Variants in GABRA5 observed in about 807,000 individuals in gnomAD.
GABRA5 encodes the protein gamma-aminobutyric acid receptor subunit alpha-5.
A neutral mutation model predicts 47.3 loss-of-function variants in GABRA5; 18 were observed. That is an observed-to-expected ratio of 0.38 (90% CI 0.26 to 0.56). The LOEUF is 0.56. Among genes scored for constraint, GABRA5 ranks in the 20% least tolerant of loss-of-function variants. GABRA5 has a pLI of 0.71. For missense variants in GABRA5, 365 were observed against 599.3 expected (o/e 0.61, Z 4.08); for synonymous variants, 237 against 229.3 (o/e 1.03, Z -0.30).
intron 3 of GABRA5, among the ~76,000 whole-genome samples, chr15:26,875,956 C>T (rs1350622505): frequency 3.3e-5 from 5 of 151,958 alleles, no homozygotes; most frequent in South Asian, 2.1e-4. Flanking sequence ...GGGGTTAACC[C>T]GAGATGCAGT....
intron 3 of GABRA5, among the ~76,000 whole-genome samples, chr15:26,871,123 G>A (rs1020188545): frequency 1.3e-5 from 2 of 152,230 alleles, no homozygotes; most frequent in African/African-American, 2.4e-5. Flanking sequence ...GAACCCGGGA[G>A]GTGGAGGTTG....
At chr15:26,928,588 C>G (rs1038718380) in intron 7 of GABRA5, among the ~76,000 whole-genome samples, 2 of 151,996 alleles carry the variant, frequency 1.3e-5, no homozygotes, top group Admixed American at 6.6e-5. Flanking sequence ...GATTAGTGCT[C>G]CTATAAAAGA....
chr15:26,927,058 T>C (rs1893977413), intron 7 of GABRA5, among the ~76,000 whole-genome samples: 1 of 152,088 alleles, frequency 6.6e-6, no homozygotes, highest in Non-Finnish European at 1.5e-5. Flanking sequence ...TTGAACTCAG[T>C]AGGAATTTTG....
At chr15:26,909,824 G>T (rs1032047770) in intron 6 of GABRA5, among the ~76,000 whole-genome samples, 13 of 152,214 alleles carry the variant, frequency 8.5e-5, no homozygotes, top group African/African-American at 2.9e-4. Flanking sequence ...CATACTCACA[G>T]GTTTGGGGTT....
intron 3 of GABRA5, among the ~76,000 whole-genome samples, chr15:26,870,962 G>C (rs28450497): frequency 1.3e-5 from 2 of 151,904 alleles, no homozygotes; most frequent in South Asian, 2.1e-4. Flanking sequence ...GAGGCCAAGC[G>C]GGGGGCGGAT....
intron 7 of GABRA5, among the ~76,000 whole-genome samples, chr15:26,929,819 T>G (rs929757786): frequency 7.2e-5 from 11 of 152,316 alleles, no homozygotes; most frequent in African/African-American, 2.4e-4. Context: ...TCCCATTGTC[T>G]TGCACAGCAG....
At chr15:26,934,012 G>A (rs1187124385) in intron 7 of GABRA5, among the ~76,000 whole-genome samples, 1 of 152,080 alleles carries the variant, frequency 6.6e-6, no homozygotes, top group African/African-American at 2.4e-5. Flanking sequence ...CAAAGAGAGG[G>A]GAGGCTGAGG....
intron 7 of GABRA5, among the ~76,000 whole-genome samples, chr15:26,931,598 G>A (rs113064273): frequency 0.022 from 3,364 of 152,316 alleles, 74 homozygotes; most frequent in Non-Finnish European, 0.034. Flanking sequence ...GAACACAGAA[G>A]CATGAACCAT....
chr15:26,877,257 G>T (rs1394012376), intron 3 of GABRA5, among the ~76,000 whole-genome samples: 1 of 152,190 alleles, frequency 6.6e-6, no homozygotes, highest in Non-Finnish European at 1.5e-5. Context: ...TCACTGTCCA[G>T]CCAGTGTCCA....
chr15:26,867,094 AT>A lies in GABRA5; in HGVS notation c.-156del, dbSNP rs1261217588. 6.6e-6 allele frequency: 1 copy of A among 152,092 alleles called. No homozygotes were observed. Among genetic ancestry groups the A allele is most frequent in the Non-Finnish European group, 1.5e-5 (1 of 67,846 alleles). 9.4% of individuals were successfully genotyped at this position (152,092 alleles called of 1,614,324 possible). The stretch of plus-strand genomic sequence containing the variant: ...GCCGATCCTCCAGCCCAGAGACGAC[AT>A]GTGGCGCTCGGGCGAGGTGAGAGCG... On this transcript the variant is annotated 5_prime_UTR_variant, in exon 1 of 11. It removes an upstream start codon present in the reference 5' UTR. Transcript: ENST00000335625. The surrounding 1 kb of genome is among the most constrained non-coding windows in gnomAD (Gnocchi z 5.9).
intron 6 of GABRA5, among the ~76,000 whole-genome samples, chr15:26,901,902 G>A (rs1181293504): frequency 6.6e-6 from 1 of 152,118 alleles, no homozygotes; most frequent in Non-Finnish European, 1.5e-5. Context: ...TTGTTGAAAA[G>A]ACTGTCTCGT....
chr15:26,883,586 C>CGGGGGGGGGGGGGGGGGGGGCG lies in GABRA5; in HGVS notation c.497+34_497+35insGGGGGGGGGGGGGGGCGGGGGG. 4 of 560,462 alleles carry CGGGGGGGGGGGGGGGGGGGGCG rather than the reference C, an allele frequency of 7.1e-6. No homozygotes were observed. The highest frequency in any genetic ancestry group is 1.3e-5 in the Non-Finnish European group (4 of 311,134). The allele number at this position is 560,462 out of a possible 1,614,324, so 34.7% of individuals were successfully genotyped here. ...AGCGCCGGGCGGGGGCGGGCGGGGC[C>CGGGGGGGGGGGGGGGGGGGGCG]GGGGGACGGTGCGGGGCAGGCGCGG... On this transcript the variant is annotated intron_variant, in intron 6 of 10. Coordinates refer to ENST00000335625, the MANE Select transcript of GABRA5 (RefSeq NM_000810.4). The surrounding 1 kb of genome is among the most constrained non-coding windows in gnomAD (Gnocchi z 4.8).
intron 6 of GABRA5, among the ~76,000 whole-genome samples, chr15:26,909,304 C>T (rs7498083): frequency 0.35 from 53,108 of 152,022 alleles, 10,730 homozygotes; most frequent in Middle Eastern, 0.45. Context: ...TTTGTCCCAC[C>T]CAGATAACCC....
At chr15:26,942,359 G>A (rs1386242564) in intron 9 of GABRA5, among the ~76,000 whole-genome samples, 2 of 152,208 alleles carry the variant, frequency 1.3e-5, no homozygotes, top group Non-Finnish European at 2.9e-5. Flanking sequence ...CAGGCACCAT[G>A]CACAGCAGGC....
At chr15:26,921,168 T>A (rs146137328) in intron 7 of GABRA5, among the ~76,000 whole-genome samples, 8 of 152,174 alleles carry the variant, frequency 5.3e-5, no homozygotes, top group Non-Finnish European at 7.3e-5. Flanking sequence ...CCACCTTTTT[T>A]ATTTTCTAGA....
chr15:26,913,954 A>G (rs1197060180), intron 6 of GABRA5, among the ~76,000 whole-genome samples: 1 of 152,116 alleles, frequency 6.6e-6, no homozygotes, highest in African/African-American at 2.4e-5. Context: ...ATTCCTTAAT[A>G]TCCGCACCTC....
intron 6 of GABRA5, among the ~76,000 whole-genome samples, chr15:26,892,452 G>GGCC (rs1893031694): frequency 6.6e-6 from 1 of 151,454 alleles, no homozygotes; most frequent in Non-Finnish European, 1.5e-5. Context: ...TGCCTTCCCC[G>GGCC]GCCGCGCGCA....
At chr15:26,895,812 C>CAAAAAAAAAAAAAAA (rs376170037) in intron 6 of GABRA5, among the ~76,000 whole-genome samples, 19 of 123,256 alleles carry the variant, frequency 1.5e-4, no homozygotes, top group African/African-American at 6.4e-4. Context: ...AAGACTCCGT[C>CAAAAAAAAAAAAAAA]AAAAAAAAAA....
At chr15:26,876,536 A>G (rs1006905107) in intron 3 of GABRA5, among the ~76,000 whole-genome samples, 2 of 152,200 alleles carry the variant, frequency 1.3e-5, no homozygotes, top group African/African-American at 4.8e-5. Flanking sequence ...AACTAAGCTG[A>G]GGACCAAGAC....
Sources: allele counts gnomAD v4.1 joint callset (sites outside exome capture counted in the v4.1 genomes callset), GRCh38; gene constraint gnomAD v4.1.1; non-coding constraint Gnocchi (gnomAD v3.1); transcripts MANE v1.5; gene names NCBI Gene and HGNC (gene_info 2026-07-23, HGNC 2026-07-21).